CACHD1: variants seen among roughly 807,000 people sequenced by gnomAD.
CACHD1 encodes the protein VWFA and cache domain-containing protein 1.
A neutral mutation model predicts 138.7 loss-of-function variants in CACHD1; 71 were observed. The observed-to-expected ratio is 0.51, with a 90% CI of 0.42 to 0.62. The LOEUF (loss-of-function observed/expected upper bound fraction) is 0.62, where lower values mean the gene tolerates loss of function less well. Among genes scored for constraint, CACHD1 ranks in the 20% least tolerant of loss-of-function variants. CACHD1 has a pLI of 0.00. For missense variants in CACHD1, 1,389 were observed against 1,625.3 expected (o/e 0.85, Z 2.50); for synonymous variants, 578 against 591.5 (o/e 0.98, Z 0.33).
chr1:64,485,254 A>G (rs999300013), intron 1 of CACHD1, among the ~76,000 whole-genome samples: 3 of 152,216 alleles, frequency 2.0e-5, no homozygotes, highest in Non-Finnish European at 4.4e-5. Flanking sequence ...ACCACAGTCA[A>G]GATATACAAC....
intron 1 of CACHD1, among the ~76,000 whole-genome samples, chr1:64,530,923 G>T (rs11582584): frequency 0.8 from 105,543 of 132,158 alleles, 40,949 homozygotes; most frequent in Non-Finnish European, 0.84. Context: ...ATTCCATCGT[G>T]TTTTTTTTTG....
At position 64,691,581 on chromosome 1, in the gene CACHD1, C is replaced by A; in HGVS notation, c.*20C>A. ...TGCTAACAATCTCCTCACCTCCACG[C>A]CAAGATGAGATCTGGGAGCTACAGA... On this transcript the variant is annotated 3_prime_UTR_variant, in exon 27 of 27. Coordinates refer to ENST00000651257, the MANE Select transcript of CACHD1 (RefSeq NM_020925.4). 1 of 1,594,486 alleles carries A rather than the reference C, an allele frequency of 6.3e-7. No homozygotes were observed. Among genetic ancestry groups the A allele is most frequent in the Non-Finnish European group, 8.6e-7 (1 of 1,162,304 alleles).
chr1:64,472,823 G>A (rs940462014), intron 1 of CACHD1, among the ~76,000 whole-genome samples: 2 of 152,054 alleles, frequency 1.3e-5, no homozygotes, highest in Non-Finnish European at 2.9e-5. Context: ...TCCATCCCTA[G>A]GGCTGGACAA....
chr1:64,584,799 T>G lies in CACHD1; in HGVS notation c.410+2495T>G, dbSNP rs544495841. Among the ~76,000 whole-genome samples the G allele has an allele frequency of 5.9e-5, 9 of 152,230 alleles. No individual in the cohort carries two copies. In the South Asian group the frequency reaches 1.9e-3, roughly 32 times the overall value. On this transcript the variant is annotated intron_variant, in intron 3 of 26. Transcript: ENST00000651257. Reference sequence around the variant, plus strand: ...TGATTTAAATTGATATAGGAACGAGTAAGAAGGTGTCTACTCTCTAGAAAT... The same window carrying G: ...TGATTTAAATTGATATAGGAACGAGGAAGAAGGTGTCTACTCTCTAGAAAT...
rs769576122 is a variant in CACHD1 at position 64,691,564 on chromosome 1, A to G, written c.*3A>G. ...ACACTGTCGATGCAGAATGCTAACAATCTCCTCACCTCCACGCCAAGATGA... is the reference window on the plus strand; with the variant it reads ...ACACTGTCGATGCAGAATGCTAACAGTCTCCTCACCTCCACGCCAAGATGA... On this transcript the variant is annotated 3_prime_UTR_variant, in exon 27 of 27. Transcript: ENST00000651257. 1.2e-5 allele frequency: 19 copies of G among 1,610,676 alleles called. No homozygotes were observed. In the South Asian group the frequency reaches 1.6e-4, roughly 14 times the overall value.
intron 1 of CACHD1, among the ~76,000 whole-genome samples, chr1:64,505,512 G>C (rs899525915): frequency 4.6e-5 from 7 of 151,560 alleles, no homozygotes; most frequent in African/African-American, 1.7e-4. Flanking sequence ...AATCGCTGTA[G>C]CCAGAAGGGA....
intron 21 of CACHD1, among the ~76,000 whole-genome samples, chr1:64,676,606 G>A (rs1248010923): frequency 6.6e-6 from 1 of 152,164 alleles, no homozygotes; most frequent in African/African-American, 2.4e-5. Flanking sequence ...TCGTAGCTGG[G>A]ACTGCAGGCA....
chr1:64,579,080 C>T (rs1570385859), intron 2 of CACHD1, among the ~76,000 whole-genome samples: 1 of 152,196 alleles, frequency 6.6e-6, no homozygotes, highest in Non-Finnish European at 1.5e-5. Context: ...GCAGGCCATA[C>T]AGACTCTTGC....
chr1:64,670,169 G>A (rs1335955178), intron 16 of CACHD1, among the ~76,000 whole-genome samples: 1 of 152,292 alleles, frequency 6.6e-6, no homozygotes, highest in East Asian at 1.9e-4. Context: ...CCAGCCCATT[G>A]TTGTGTGTCT....
chr1:64,486,365 C>T (rs1008645843), intron 1 of CACHD1, among the ~76,000 whole-genome samples: 23 of 94,172 alleles, frequency 2.4e-4, no homozygotes, highest in South Asian at 7.6e-4. Flanking sequence ...CACACACACA[C>T]ACATACACAC....
rs1207834104 is a variant in CACHD1 at position 64,470,241 on chromosome 1, C to T, written c.-504C>T. Among the ~76,000 whole-genome samples the T allele has an allele frequency of 6.6e-6, 1 of 152,102 alleles. No individual in the cohort carries two copies. Among genetic ancestry groups the T allele is most frequent in the African/African-American group, 2.4e-5 (1 of 41,444 alleles). On this transcript the variant is annotated 5_prime_UTR_variant, in exon 1 of 27. Transcript: ENST00000651257. The surrounding 1 kb of genome is among the most constrained non-coding windows in gnomAD (Gnocchi z 5.2). The stretch of plus-strand genomic sequence containing the variant: ...GTGGGTTTGTGAAGCCTCCCCTTTC[C>T]CTCCTCGCTCGGGTGGCTGCCCCAG...
intron 1 of CACHD1, among the ~76,000 whole-genome samples, chr1:64,520,669 T>G (rs1049601349): frequency 2.6e-5 from 4 of 152,248 alleles, no homozygotes; most frequent in Non-Finnish European, 5.9e-5. Flanking sequence ...GGAGTAGACT[T>G]TGAAATGATT....
At chr1:64,638,587 G>A (rs748221941) in intron 7 of CACHD1, among the ~76,000 whole-genome samples, 3 of 152,218 alleles carry the variant, frequency 2.0e-5, no homozygotes, top group Non-Finnish European at 2.9e-5. Context: ...GGATCATAAT[G>A]AACCTCAATT....
At chr1:64,603,951 A>G (rs1021744231) in intron 4 of CACHD1, among the ~76,000 whole-genome samples, 2 of 152,232 alleles carry the variant, frequency 1.3e-5, no homozygotes, top group Non-Finnish European at 2.9e-5. Context: ...AAAAATCTAA[A>G]GCACGGGAAC....
At chr1:64,672,881 G>A (rs551734778) in intron 17 of CACHD1, among the ~76,000 whole-genome samples, 15 of 152,118 alleles carry the variant, frequency 9.9e-5, no homozygotes, top group African/African-American at 2.2e-4. Flanking sequence ...CATCTTACTC[G>A]GACTGGGTGA....
At chr1:64,565,442 G>C (rs1646874261) in intron 2 of CACHD1, among the ~76,000 whole-genome samples, 1 of 152,220 alleles carries the variant, frequency 6.6e-6, no homozygotes, top group Middle Eastern at 3.2e-3. Flanking sequence ...ACAGGGGGCT[G>C]TTCTGTCCAA....
chr1:64,571,857 G>A (rs570113410), intron 2 of CACHD1, among the ~76,000 whole-genome samples: 6 of 152,246 alleles, frequency 3.9e-5, no homozygotes, highest in African/African-American at 1.4e-4. Flanking sequence ...ATTTGCATTG[G>A]GTCTGGAGAA....
intron 26 of CACHD1, among the ~76,000 whole-genome samples, chr1:64,684,030 G>T (rs867972016): frequency 1.3e-5 from 2 of 152,170 alleles, no homozygotes; most frequent in African/African-American, 2.4e-5. Context: ...ACAACACTTC[G>T]CATATACTAC....
chr1:64,556,741 T>A (rs1456802320), intron 2 of CACHD1, among the ~76,000 whole-genome samples: 2 of 152,232 alleles, frequency 1.3e-5, no homozygotes, highest in East Asian at 3.8e-4. Flanking sequence ...CAATGTGTTT[T>A]AAATCCTTAA....
Sources: allele counts gnomAD v4.1 joint callset (sites outside exome capture counted in the v4.1 genomes callset), GRCh38; gene constraint gnomAD v4.1.1; non-coding constraint Gnocchi (gnomAD v3.1); transcripts MANE v1.5; gene names NCBI Gene and HGNC (gene_info 2026-07-23, HGNC 2026-07-21).